Variants in NCKAP5 observed in about 807,000 individuals in gnomAD.
NCKAP5 encodes the protein nck-associated protein 5.
Under a neutral mutation model 167.0 loss-of-function variants are expected in NCKAP5, and 92 were observed. The observed-to-expected ratio is 0.55, with a 90% confidence interval of 0.47 to 0.66. The LOEUF (loss-of-function observed/expected upper bound fraction) is 0.66, where lower values mean the gene tolerates loss of function less well. NCKAP5 is among the 30% of genes least tolerant of loss of function. NCKAP5 has a pLI of 0.00. For synonymous variants in NCKAP5, 891 were observed against 877.4 expected, an observed-to-expected ratio of 1.02 and a Z score of -0.27; for missense variants, 2,378 against 2,315.0, an observed-to-expected ratio of 1.03 and a Z score of -0.56.
chr2:133,382,983 T>C (rs1254667992), intron 3 of NCKAP5, among the ~76,000 whole-genome samples: 1 of 152,202 alleles, frequency 6.6e-6, no homozygotes, highest in Non-Finnish European at 1.5e-5. Context: ...TATTTAAGCA[T>C]AAGCCACTGA....
At chr2:133,674,343 C>T in the NCKAP5 span, among the ~76,000 whole-genome samples, 2 of 152,142 alleles carry the variant, frequency 1.3e-5, no homozygotes, top group African/African-American at 4.8e-5. Flanking sequence ...GCATGTACAT[C>T]ATAACTGTTG....
chr2:132,790,865 C>T (rs1025007769), intron 12 of NCKAP5, among the ~76,000 whole-genome samples: 1 of 152,178 alleles, frequency 6.6e-6, no homozygotes, highest in Non-Finnish European at 1.5e-5. Context: ...AAGCTGCCAT[C>T]ATTATTAGGC....
rs139098054 is a variant in NCKAP5, at chr2:133,519,785, G to A, written c.-61-2198C>T. On this transcript the variant is annotated intron_variant, in intron 2 of 19. Transcript: ENST00000409261. ...CATGTACAAGAAAAACAAAGTCCCC[G>A]CCTTTGTGGAACTCATATTTTAGTG... Among the ~76,000 whole-genome samples the A allele has an allele frequency of 3.9e-4, 60 of 152,242 alleles. 1 individual carries two copies. The highest frequency in any genetic ancestry group is 3.4e-3 in the Middle Eastern group (1 of 294).
At chr2:133,223,740 G>A (rs920578409) in intron 4 of NCKAP5, among the ~76,000 whole-genome samples, 1 of 152,154 alleles carries the variant, frequency 6.6e-6, no homozygotes, top group African/African-American at 2.4e-5. Context: ...ATAAAAGTCG[G>A]TAAGTTTAGA....
At chr2:132,836,166 T>C (rs1687873509) in intron 11 of NCKAP5, among the ~76,000 whole-genome samples, 1 of 152,230 alleles carries the variant, frequency 6.6e-6, no homozygotes, top group East Asian at 1.9e-4. Context: ...TTCACTGTTA[T>C]TTCTTGATTT....
intron 16 of NCKAP5, among the ~76,000 whole-genome samples, chr2:132,743,810 T>TTAAA (rs1472669666): frequency 6.6e-6 from 1 of 151,630 alleles, no homozygotes. Flanking sequence ...AACATTCATT[T>TTAAA]TAAATATAAA....
At chr2:133,475,802 T>C (rs1335211645) in intron 3 of NCKAP5, among the ~76,000 whole-genome samples, 1 of 152,206 alleles carries the variant, frequency 6.6e-6, no homozygotes, top group African/African-American at 2.4e-5. Context: ...GATGGAATGA[T>C]TCATGACAGT....
At chr2:133,109,672 A>C (rs1050830042) in intron 6 of NCKAP5, among the ~76,000 whole-genome samples, 14 of 152,162 alleles carry the variant, frequency 9.2e-5, no homozygotes, top group African/African-American at 3.4e-4. Context: ...TTTTCAAATA[A>C]ACCATTCTTT....
intron 3 of NCKAP5, among the ~76,000 whole-genome samples, chr2:133,360,939 TAA>T (rs1261568490): frequency 1.4e-4 from 19 of 137,224 alleles, no homozygotes; most frequent in Non-Finnish European, 1.3e-4. Context: ...GTCTTCCCAT[TAA>T]AAAAAAAAAA....
intron 3 of NCKAP5, among the ~76,000 whole-genome samples, chr2:133,451,648 AT>A (rs568283848): frequency 1.6e-4 from 25 of 152,288 alleles, no homozygotes; most frequent in South Asian, 1.5e-3. Context: ...TCCCCTTCCC[AT>A]TGCAGGGCAG....
chr2:133,356,870 T>C (rs1021630446), intron 3 of NCKAP5, among the ~76,000 whole-genome samples: 1 of 152,226 alleles, frequency 6.6e-6, no homozygotes, highest in Non-Finnish European at 1.5e-5. Context: ...TAAACTACTG[T>C]CTAGGGAATT....
At chr2:132,739,386 G>T (rs1038155017) in intron 16 of NCKAP5, among the ~76,000 whole-genome samples, 3 of 152,188 alleles carry the variant, frequency 2.0e-5, no homozygotes, top group African/African-American at 7.2e-5. Context: ...TCAGATAAAT[G>T]AAGTGAGAAG....
chr2:132,689,336 G>T (rs1686420400), intron 19 of NCKAP5, among the ~76,000 whole-genome samples: 1 of 152,228 alleles, frequency 6.6e-6, no homozygotes, highest in South Asian at 2.1e-4. Flanking sequence ...CCATTGGGCT[G>T]AACTGACACA....
chr2:132,772,545 G>C (rs552757542), intron 16 of NCKAP5, among the ~76,000 whole-genome samples: 1 of 152,226 alleles, frequency 6.6e-6, no homozygotes, highest in Non-Finnish European at 1.5e-5. Flanking sequence ...TGATGACTCA[G>C]CAGGGCTTTG....
At chr2:133,347,264 A>T (rs1372191287) in intron 3 of NCKAP5, among the ~76,000 whole-genome samples, 1 of 152,152 alleles carries the variant, frequency 6.6e-6, no homozygotes, top group Non-Finnish European at 1.5e-5. Context: ...TATAAAGTAT[A>T]AATATTCAGC....
chr2:133,026,820 T>C (rs2078714248), intron 6 of NCKAP5, among the ~76,000 whole-genome samples: 2 of 152,240 alleles, frequency 1.3e-5, no homozygotes, highest in Non-Finnish European at 2.9e-5. Flanking sequence ...TGGTCCATTG[T>C]GCTCATTGAG....
At chr2:133,345,804 G>A (rs1225503318) in intron 3 of NCKAP5, among the ~76,000 whole-genome samples, 1 of 151,954 alleles carries the variant, frequency 6.6e-6, no homozygotes, top group Non-Finnish European at 1.5e-5. Flanking sequence ...AAGATCACTG[G>A]GGATAAAGGA....
chr2:132,882,009 C>T (rs1691798114), intron 8 of NCKAP5, among the ~76,000 whole-genome samples: 1 of 152,110 alleles, frequency 6.6e-6, no homozygotes, highest in Non-Finnish European at 1.5e-5. Flanking sequence ...AAGTGATTTT[C>T]CTATCTGTTA....
intron 19 of NCKAP5, among the ~76,000 whole-genome samples, chr2:132,677,582 G>C (rs1382575975): frequency 2.6e-5 from 4 of 152,020 alleles, no homozygotes; most frequent in Non-Finnish European, 5.9e-5. Flanking sequence ...ACACAGTAAG[G>C]AGGAGGGAGG....
Sources: allele counts gnomAD v4.1 joint callset (sites outside exome capture counted in the v4.1 genomes callset), GRCh38; gene constraint gnomAD v4.1.1; transcripts MANE v1.5; gene names NCBI Gene and HGNC (gene_info 2026-07-23, HGNC 2026-07-21).